UTP11: variants seen among roughly 807,000 people sequenced by gnomAD.
The protein encoded by UTP11 is UTP11 small subunit processome component.
A neutral mutation model predicts 39.0 loss-of-function variants in UTP11; 29 were observed. That is an observed-to-expected ratio of 0.74 (90% CI 0.55 to 1.01). The LOEUF (loss-of-function observed/expected upper bound fraction) is 1.01. UTP11 is among the 50% of genes least tolerant of loss of function. UTP11 has a pLI of 0.00. For synonymous variants in UTP11, 111 were observed against 105.0 expected (o/e 1.06, Z -0.35); for missense variants, 281 against 306.0 (o/e 0.92, Z 0.61).
intron 6 of UTP11, among the ~76,000 whole-genome samples, chr1:38,020,922 G>A (rs1646732761): frequency 6.7e-6 from 1 of 149,866 alleles, no homozygotes; most frequent in Admixed American, 6.7e-5. Flanking sequence ...TCAATTAGGT[G>A]TACTTTTTTT....
intron 1 of UTP11, among the ~76,000 whole-genome samples, chr1:38,014,147 T>G (rs976944149): frequency 6.6e-6 from 1 of 152,222 alleles, no homozygotes; most frequent in African/African-American, 2.4e-5. Flanking sequence ...AAATGAGGAA[T>G]CTGGTGCTTA....
rs1317132141 is a variant in UTP11 at position 38,019,620 on chromosome 1, A to T, written c.567+237A>T. On this transcript the variant is annotated intron_variant, in intron 6 of 7. Transcript: ENST00000373014. ...TGCCTCAGCCTCCCCAGTAACTGGGACTATAGGGGTGCAACACCACACCCA... is the reference window on the plus strand; with the variant it reads ...TGCCTCAGCCTCCCCAGTAACTGGGTCTATAGGGGTGCAACACCACACCCA... Among the ~76,000 whole-genome samples the T allele has an allele frequency of 2.0e-5, 3 of 152,120 alleles. No homozygotes were observed. In the East Asian group the frequency reaches 5.8e-4, roughly 29 times the overall value.
chr1:38,023,861 G>A lies in UTP11; in HGVS notation c.*233G>A, dbSNP rs1646751189. The A allele has an allele frequency of 3.0e-6, 1 of 328,730 alleles. No homozygotes were observed. Among genetic ancestry groups the A allele is most frequent in the Non-Finnish European group, 5.5e-6 (1 of 183,450 alleles). 20.4% of individuals were successfully genotyped at this position (328,730 alleles called of 1,614,324 possible). On this transcript the variant is annotated 3_prime_UTR_variant, in exon 8 of 8. Transcript: ENST00000373014. ...TATATACTTAATTTTTTTTTTCTTTGAGATAGGGTCTTTGTTGCCAGGCTG... is the reference window on the plus strand; with the variant it reads ...TATATACTTAATTTTTTTTTTCTTTAAGATAGGGTCTTTGTTGCCAGGCTG...
At chr1:38,020,545 A>G (rs1344257804) in intron 6 of UTP11, among the ~76,000 whole-genome samples, 1 of 152,172 alleles carries the variant, frequency 6.6e-6, no homozygotes, top group Non-Finnish European at 1.5e-5. Context: ...TGACTGATTC[A>G]TTAAAAAAAA....
In UTP11 at chr1:38,012,764, C is replaced by G. The variant is rs767593708; in HGVS notation, c.-39C>G. The stretch of plus-strand genomic sequence containing the variant: ...ACTTGGCGGCAGAGGCAGTGCGGAT[C>G]CGGCGTTCTCCACTGATCTTTTCCA... On this transcript the variant is annotated 5_prime_UTR_variant, in exon 1 of 8. It adds an upstream start codon to the 5' untranslated region. Transcript: ENST00000373014. 1 of 1,613,752 alleles carries G rather than the reference C, an allele frequency of 6.2e-7. No individual in the cohort carries two copies.
At chr1:38,020,449 C>A (rs1380607084) in intron 6 of UTP11, among the ~76,000 whole-genome samples, 1 of 152,092 alleles carries the variant, frequency 6.6e-6, no homozygotes, top group Non-Finnish European at 1.5e-5. Context: ...TTTGTTTTGG[C>A]TTTTCCTTAT....
intron 1 of UTP11, among the ~76,000 whole-genome samples, chr1:38,013,297 T>C (rs1243271307): frequency 6.6e-6 from 1 of 152,230 alleles, no homozygotes; most frequent in Non-Finnish European, 1.5e-5. Flanking sequence ...TGTGGTATCA[T>C]CATCACGCTG....
intron 3 of UTP11, among the ~76,000 whole-genome samples, 188 bp downstream of exon 3, chr1:38,017,958 G>C (rs1646715715): frequency 1.3e-5 from 2 of 152,140 alleles, no homozygotes; most frequent in South Asian, 2.1e-4. Flanking sequence ...CTTTGAATCT[G>C]GGTTGTCTTA....
At chr1:38,021,331 T>G (rs1646736645) in intron 6 of UTP11, among the ~76,000 whole-genome samples, 1 of 152,224 alleles carries the variant, frequency 6.6e-6, no homozygotes, top group Non-Finnish European at 1.5e-5. Context: ...CCAGCATAGC[T>G]TTTGAGAAGT....
At position 38,019,648 on chromosome 1, in the gene UTP11, T is replaced by A. The variant is rs371426251; in HGVS notation, c.567+265T>A. ...ATAGGGGTGCAACACCACACCCAGC[T>A]TATTTCTGTATTTTTCATAGAGATG... On this transcript the variant is annotated intron_variant, in intron 6 of 7. Transcript: ENST00000373014. 9.0e-4 allele frequency among the ~76,000 whole-genome samples: 137 copies of A among 152,168 alleles called. 1 individual carries two copies. The highest frequency in any genetic ancestry group is 2.6e-3 in the African/African-American group (107 of 41,500).
intron 6 of UTP11, 152 bp downstream of exon 6, chr1:38,019,535 G>T: frequency 4.3e-6 from 3 of 705,872 alleles, no homozygotes; most frequent in Non-Finnish European, 5.8e-6. Context: ...CCAGGCTGGA[G>T]TGCAGTGGCA....
intron 6 of UTP11, among the ~76,000 whole-genome samples, chr1:38,019,966 T>G (rs925786601): frequency 6.6e-6 from 1 of 152,228 alleles, no homozygotes; most frequent in Non-Finnish European, 1.5e-5. Context: ...ATTCTGACCC[T>G]GCGCTTTGTG....
chr1:38,022,761 G>A lies in UTP11; in HGVS notation c.630G>A (p.Lys210=), dbSNP rs770282780. The change falls in exon 7 of 8, where the codon AAG becomes AAA. Residue 210 remains lysine, a synonymous_variant. Transcript: ENST00000373014. The part of the protein sequence containing the change: ...NCLTQRIERE[K]KLFVIAQKIQ... The stretch of plus-strand genomic sequence containing the variant: ...TGACACAGCGGATTGAACGAGAGAA[G>A]AAATTGTTCGTTATTGCTCAGAAAA... The A allele has an allele frequency of 4.5e-5, 73 of 1,613,774 alleles. No individual in the cohort carries two copies. The highest frequency in any genetic ancestry group is 5.8e-5 in the Non-Finnish European group (68 of 1,179,936).
chr1:38,020,205 G>A (rs1408081414), intron 6 of UTP11, among the ~76,000 whole-genome samples: 2 of 151,978 alleles, frequency 1.3e-5, no homozygotes, highest in Admixed American at 6.6e-5. Flanking sequence ...GGGCTTAAGC[G>A]ATCCTCCTGC....
Position 38,023,812 on chromosome 1 carries a change from G to T in UTP11, c.*184G>T. The T allele has an allele frequency of 2.2e-6, 1 of 459,004 alleles. No individual in the cohort carries two copies. Among genetic ancestry groups the T allele is most frequent in the Non-Finnish European group, 3.8e-6 (1 of 266,118 alleles). 28.4% of individuals were successfully genotyped at this position (459,004 alleles called of 1,614,324 possible). On this transcript the variant is annotated 3_prime_UTR_variant, in exon 8 of 8. Transcript: ENST00000373014. ...CTCCCTCCCTTCTGTAATTGTTTTT[G>T]GATTGTGAAATTAGTCTTATTTTTA...
intron 1 of UTP11, among the ~76,000 whole-genome samples, chr1:38,015,797 T>C (rs1236330354): frequency 6.6e-6 from 1 of 152,220 alleles, no homozygotes; most frequent in African/African-American, 2.4e-5. Context: ...TCAAGCCATG[T>C]GCAGGCATTA....
Position 38,019,125 on chromosome 1 carries a change from G to C in UTP11, c.409G>C (p.Val137Leu). Residue 137 changes from valine (V) to leucine (L), a missense_variant, in exon 5 of 8, where the codon GTG becomes CTG. Coordinates refer to ENST00000373014, the MANE Select transcript of UTP11 (RefSeq NM_016037.4). ...DFQGKQQNKHVFFFDTKKEVE... is the reference protein window; with the variant it reads ...DFQGKQQNKHLFFFDTKKEVE... ...CCAGGGGAAGCAACAGAACAAGCAT[G>C]TGTTCTTTTTTGACACCAAAAAGGA... 6.2e-7 allele frequency: 1 copy of C among 1,614,016 alleles called. No individual in the cohort carries two copies. Among genetic ancestry groups the C allele is most frequent in the Non-Finnish European group, 8.5e-7 (1 of 1,180,000 alleles).
intron 1 of UTP11, among the ~76,000 whole-genome samples, 153 bp from the exon 2 acceptor site, chr1:38,016,206 G>T (rs1453337800): frequency 6.6e-6 from 1 of 152,276 alleles, no homozygotes; most frequent in Non-Finnish European, 1.5e-5. Flanking sequence ...GAGCCCAGTT[G>T]TGGGGAGGGG....
chr1:38,017,595 T>C, intron 2 of UTP11, 73 bp from the exon 3 acceptor site: 1 of 1,206,978 alleles, frequency 8.3e-7, no homozygotes, highest in Non-Finnish European at 1.1e-6. Context: ...GTTTGCTTAT[T>C]GTGGGTTTTT....
Sources: allele counts gnomAD v4.1 joint callset (sites outside exome capture counted in the v4.1 genomes callset), GRCh38; gene constraint gnomAD v4.1.1; transcripts MANE v1.5; gene names NCBI Gene and HGNC (gene_info 2026-07-23, HGNC 2026-07-21).